HLX: variants seen among roughly 807,000 people sequenced by gnomAD.
The protein encoded by HLX is H2.0-like homeobox protein.
A neutral mutation model predicts 27.7 loss-of-function variants in HLX; 6 were observed. The observed-to-expected ratio is 0.22, with a 90% confidence interval of 0.12 to 0.43. HLX has a LOEUF of 0.43. Ranked by LOEUF, HLX falls within the 20% of genes least tolerant of loss-of-function variation. HLX has a pLI of 1.00. For synonymous variants in HLX, 328 were observed against 293.8 expected, an observed-to-expected ratio of 1.12 and a Z score of -1.19; for missense variants, 666 against 655.2, an observed-to-expected ratio of 1.02 and a Z score of -0.18.
Position 220,880,519 on chromosome 1 carries a change from G to A in HLX, c.592+70G>A, listed in dbSNP as rs1674402956. Reference sequence around the variant, plus strand: ...CTCCCCGGACCCCGGGCTGGCTTGGGGTGCCTTTGAGTGTTTTTACAATTA... The same window carrying A: ...CTCCCCGGACCCCGGGCTGGCTTGGAGTGCCTTTGAGTGTTTTTACAATTA... On this transcript the variant is annotated intron_variant, in intron 1 of 3. Coordinates refer to ENST00000366903, the MANE Select transcript of HLX (RefSeq NM_021958.4). 5 of 1,558,694 alleles carry A rather than the reference G, an allele frequency of 3.2e-6. No individual in the cohort carries two copies. In the South Asian group the frequency reaches 5.6e-5, roughly 17 times the overall value.
Position 220,879,757 on chromosome 1 carries a change from T to TCGG in HLX, c.-99_-97dup. ...GCGGAGAAGCGAAAGCGGATCGTCCTCGGCTGCCGCCGCCTTCTCCGGGAC... is the reference window on the plus strand; with the variant it reads ...GCGGAGAAGCGAAAGCGGATCGTCCTCGGCGGCTGCCGCCGCCTTCTCCGGGAC... On this transcript the variant is annotated 5_prime_UTR_variant, in exon 1 of 4. Transcript: ENST00000366903. 1 of 1,446,384 alleles carries TCGG rather than the reference T, an allele frequency of 6.9e-7. No individual in the cohort carries two copies. Among genetic ancestry groups the TCGG allele is most frequent in the Non-Finnish European group, 9.0e-7 (1 of 1,107,214 alleles). The allele number at this position is 1,446,384 out of a possible 1,614,324, so 89.6% of individuals were successfully genotyped here.
intron 2 of HLX, 78 bp from the exon 3 acceptor site, chr1:220,882,086 C>T (rs1422501277): frequency 1.5e-6 from 2 of 1,371,800 alleles, no homozygotes; most frequent in Non-Finnish European, 2.1e-6. Flanking sequence ...TTACGGGGAC[C>T]CCCAGGCTGG....
In HLX at chr1:220,880,410, G is replaced by T; in HGVS notation, c.553G>T (p.Glu185Ter). The stretch of plus-strand genomic sequence containing the variant: ...TGGAATTGACCGCATTTTATCTGCA[G>T]AATTTGACCCAAAAGTCAAAGAAGG... ...KFGIDRILSA[E>*]FDPKVKEGNT... Residue 185 changes from glutamate (E) to a stop codon, truncating the protein, a stop_gained, in exon 1 of 4, where the codon GAA becomes TAA. Transcript: ENST00000366903. LOFTEE classifies it high-confidence loss of function. The T allele has an allele frequency of 6.2e-7, 1 of 1,614,074 alleles. No individual in the cohort carries two copies. The highest frequency in any genetic ancestry group is 8.5e-7 in the Non-Finnish European group (1 of 1,180,046).
At chr1:220,881,442 G>A (rs2102641973) in intron 2 of HLX, 69 bp downstream of exon 2, 1 of 1,288,198 alleles carries the variant, frequency 7.8e-7, no homozygotes, top group South Asian at 1.2e-5. Context: ...CAGGACTGAC[G>A]CCTCCAGGGC....
chr1:220,881,051 A>G, intron 1 of HLX, 143 bp from the exon 2 acceptor site: 1 of 751,254 alleles, frequency 1.3e-6, no homozygotes, highest in Non-Finnish European at 2.3e-6. Flanking sequence ...GTTGGGAGAG[A>G]GAGGTTTCAG....
At position 220,884,245 on chromosome 1, in the gene HLX, G is replaced by T. The variant is rs779606211; in HGVS notation, c.1008G>T (p.Glu336Asp). The change falls in exon 4 of 4, where the codon GAG becomes GAT. Residue 336 changes from glutamate (E) to aspartate (D), a missense_variant. By Grantham distance (45) the Glu-to-Asp change is conservative (BLOSUM62 2). Transcript: ENST00000366903. This position sits in a 1 kb window ranked among gnomAD's most constrained non-coding sequence, Gnocchi z 4.9. ...NRRMKWRHSKEAQAQKDKDKE... is the reference protein window; with the variant it reads ...NRRMKWRHSKDAQAQKDKDKE... Reference sequence around the variant, plus strand: ...GGATGAAGTGGCGGCACTCCAAGGAGGCCCAGGCCCAAAAGGACAAGGACA... The same window carrying T: ...GGATGAAGTGGCGGCACTCCAAGGATGCCCAGGCCCAAAAGGACAAGGACA... 1.2e-6 allele frequency: 2 copies of T among 1,614,008 alleles called. No individual in the cohort carries two copies. Among genetic ancestry groups the T allele is most frequent in the Admixed American group, 1.7e-5 (1 of 60,018 alleles).
intron 3 of HLX, chr1:220,883,871 TAGAG>T (rs1179758919): frequency 7.5e-6 from 3 of 398,818 alleles, no homozygotes; most frequent in African/African-American, 2.0e-5. Flanking sequence ...GGATTTAGAG[TAGAG>T]AGAGAGTATG....
Position 220,884,168 on chromosome 1 carries a change from C to T in HLX, c.958-27C>T. The T allele has an allele frequency of 6.2e-7, 1 of 1,613,024 alleles. No homozygotes were observed. Among genetic ancestry groups the T allele is most frequent in the East Asian group, 2.2e-5 (1 of 44,852 alleles). On this transcript the variant is annotated intron_variant, in intron 3 of 3. Transcript: ENST00000366903. This position sits in a 1 kb window ranked among gnomAD's most constrained non-coding sequence, Gnocchi z 4.9. ...CCTGGGTCTCATCTCGGTGTCTCTT[C>T]TTGTCTCCCGGTGTGGCGCGGCGCA...
Position 220,881,343 on chromosome 1 carries a change from G to A in HLX, c.742G>A (p.Val248Ile). Residue 248 changes from valine to isoleucine, a missense_variant, in exon 2 of 4, where the codon GTT becomes ATT. Physicochemically the swap from Val to Ile is conservative, Grantham distance 29 (BLOSUM62 3). Transcript: ENST00000366903. ...CTTAAACTCGAACCCAAGAAATTCA[G>A]TTCAGCATCAGTTCCAAGACACGTT... ...SPLNSNPRNS[V>I]QHQFQDTFPG... 2 of 1,614,136 alleles carry A rather than the reference G, an allele frequency of 1.2e-6. No individual in the cohort carries two copies. The highest frequency in any genetic ancestry group is 8.5e-7 in the Non-Finnish European group (1 of 1,179,958).
rs369297391 is a variant in HLX, at chr1:220,880,484, C to G, written c.592+35C>G. On this transcript the variant is annotated intron_variant, in intron 1 of 3. Coordinates refer to ENST00000366903, the MANE Select transcript of HLX (RefSeq NM_021958.4). ...GGGCGGGAGGCTGCAGGCCTCTGAC[C>G]ACTGACCCACTCCCCGGACCCCGGG... The G allele has an allele frequency of 7.4e-6, 12 of 1,610,792 alleles. No homozygotes were observed. In the East Asian group the frequency reaches 2.7e-4, roughly 36 times the overall value.
chr1:220,884,729 G>C lies in HLX; in HGVS notation c.*25G>C, dbSNP rs760306050. The C allele has an allele frequency of 1.7e-5, 27 of 1,601,792 alleles. No individual in the cohort carries two copies. In the South Asian group the frequency reaches 2.5e-4, roughly 15 times the overall value. On this transcript the variant is annotated 3_prime_UTR_variant, in exon 4 of 4. Coordinates refer to ENST00000366903, the MANE Select transcript of HLX (RefSeq NM_021958.4). The surrounding 1 kb of genome is among the most constrained non-coding windows in gnomAD (Gnocchi z 4.9). The stretch of plus-strand genomic sequence containing the variant: ...GACTGTACTAGGGCGGAGGGGATCC[G>C]GGCCTTGCGTGCAGCCTCCCAACCA...
chr1:220,880,020 G>C lies in HLX; in HGVS notation c.163G>C (p.Gly55Arg). ...CIADILHAGV[G>R]DLGAAPEGLA... is the part of the protein sequence containing the mutation. ...CGCAGACATTCTGCACGCCGGCGTG[G>C]GGGATCTGGGGGCGGCCCCGGAGGG... Residue 55 changes from glycine (G) to arginine (R), a missense_variant, in exon 1 of 4, where the codon GGG (glycine) becomes CGG (arginine). Coordinates refer to ENST00000366903, the MANE Select transcript of HLX (RefSeq NM_021958.4). 3 of 1,594,242 alleles carry C rather than the reference G, an allele frequency of 1.9e-6. No individual in the cohort carries two copies. Among genetic ancestry groups the C allele is most frequent in the Non-Finnish European group, 2.5e-6 (3 of 1,176,558 alleles).
At position 220,880,242 on chromosome 1, in the gene HLX, C is replaced by T. The variant is rs1429589142; in HGVS notation, c.385C>T (p.Gln129Ter). Residue 129 changes from glutamine to a stop codon, truncating the protein, a stop_gained, in exon 1 of 4, where the codon CAG becomes TAG. Transcript: ENST00000366903. LOFTEE classifies it high-confidence loss of function. ...CCACCATCACCCGCAACAACAACAG[C>T]AGCAGCAACAGCCGCAGCAGCAACA... ...YHHHHPQQQQ[Q>*]QQQPQQQQPP... 6.2e-7 allele frequency: 1 copy of T among 1,612,936 alleles called. No individual in the cohort carries two copies. Among genetic ancestry groups the T allele is most frequent in the East Asian group, 2.2e-5 (1 of 44,856 alleles).
rs752630076 is a variant in HLX at position 220,880,498 on chromosome 1, C to T, written c.592+49C>T. The T allele has an allele frequency of 6.2e-6, 10 of 1,606,320 alleles. No individual in the cohort carries two copies. The African/African-American group carries it at 1.3e-4, about 21-fold the overall frequency. On this transcript the variant is annotated intron_variant, in intron 1 of 3. Transcript: ENST00000366903. ...AGGCCTCTGACCACTGACCCACTCCCCGGACCCCGGGCTGGCTTGGGGTGC... is the reference window on the plus strand; with the variant it reads ...AGGCCTCTGACCACTGACCCACTCCTCGGACCCCGGGCTGGCTTGGGGTGC...
In HLX at chr1:220,885,024, A is replaced by T; in HGVS notation, c.*320A>T. On this transcript the variant is annotated 3_prime_UTR_variant, in exon 4 of 4. Coordinates refer to ENST00000366903, the MANE Select transcript of HLX (RefSeq NM_021958.4). ...GGCTCAAAGGCACTTAGGACGCCTT[A>T]AATTTGTAAATAAAATGTTTACTAC... The T allele has an allele frequency of 2.5e-6, 1 of 405,148 alleles. No individual in the cohort carries two copies. The allele number at this position is 405,148 out of a possible 1,614,324, so 25.1% of individuals were successfully genotyped here.
rs771522144 is a variant in HLX, at chr1:220,884,836, C to A, written c.*132C>A. 5 of 1,397,894 alleles carry A rather than the reference C, an allele frequency of 3.6e-6. No individual in the cohort carries two copies. The highest frequency in any genetic ancestry group is 4.8e-6 in the Non-Finnish European group (5 of 1,044,448). 86.6% of individuals were successfully genotyped at this position (1,397,894 alleles called of 1,614,324 possible). A position where few individuals can be genotyped will look rare whatever the true frequency, so the allele number is the denominator to read the frequency against. Reference sequence around the variant, plus strand: ...CGTGGAGCCTACCTCCCGACATTCACGCTTCGCCCCACGCTGCTCCGACTG... The same window carrying A: ...CGTGGAGCCTACCTCCCGACATTCAAGCTTCGCCCCACGCTGCTCCGACTG... On this transcript the variant is annotated 3_prime_UTR_variant, in exon 4 of 4. Coordinates refer to ENST00000366903, the MANE Select transcript of HLX (RefSeq NM_021958.4). The surrounding 1 kb of genome is among the most constrained non-coding windows in gnomAD (Gnocchi z 4.9).
At chr1:220,881,899 G>T (rs1451730248) in intron 2 of HLX, 2 of 531,992 alleles carry the variant, frequency 3.8e-6, no homozygotes, top group African/African-American at 1.9e-5. Flanking sequence ...CACGCATGAG[G>T]TTTATGTTTT....
intron 2 of HLX, chr1:220,881,614 G>T (rs1343217738): frequency 1.7e-6 from 1 of 583,434 alleles, no homozygotes; most frequent in Non-Finnish European, 3.0e-6. Flanking sequence ...GGACGGTGGG[G>T]TGGGGGGCTT....
chr1:220,880,219 AC>A lies in HLX; in HGVS notation c.364del (p.His122IlefsTer75). 1 of 1,612,318 alleles carries A rather than the reference AC, an allele frequency of 6.2e-7. No individual in the cohort carries two copies. Among genetic ancestry groups the A allele is most frequent in the Non-Finnish European group, 8.5e-7 (1 of 1,178,824 alleles). On this transcript the variant is annotated frameshift_variant, in exon 1 of 4. Transcript: ENST00000366903. LOFTEE classifies it high-confidence loss of function. ...TCTCCGCTCTCAGCCGCCTACCACCACCATCACCCGCAACAACAACAGCAGC... is the reference window on the plus strand; with the variant it reads ...TCTCCGCTCTCAGCCGCCTACCACCACATCACCCGCAACAACAACAGCAGC... ...RLSPLSAAYHHHHPQQQQQQQ... is the reference protein window; with the variant it reads ...RLSPLSAAYHXHHPQQQQQQQ...
Sources: gnomAD v4.1 joint callset for allele counts on GRCh38, gnomAD v4.1.1 for gene constraint, Gnocchi (gnomAD v3.1) non-coding constraint, MANE v1.5 for transcripts, NCBI Gene and HGNC (gene_info 2026-07-23, HGNC 2026-07-21) for gene names.